Variants in CDC45 observed in about 807,000 individuals in gnomAD.
The protein encoded by CDC45 is cell division cycle 45.
A neutral mutation model predicts 77.8 loss-of-function variants in CDC45; 54 were observed. The observed-to-expected ratio is 0.69, with a 90% CI of 0.56 to 0.87. The LOEUF (loss-of-function observed/expected upper bound fraction) is 0.87, where lower values mean the gene tolerates loss of function less well. Among genes scored for constraint, CDC45 ranks in the 40% least tolerant of loss-of-function variants. The pLI is 0.00. For synonymous variants in CDC45, 260 were observed against 272.1 expected (o/e 0.96, Z 0.44); for missense variants, 649 against 721.6 (o/e 0.90, Z 1.15).
chr22:19,514,942 G>A (rs377522848), intron 14 of CDC45, 23 bp from the exon 15 acceptor site: 26 of 1,614,088 alleles, frequency 1.6e-5, no homozygotes, highest in Non-Finnish European at 2.2e-5. Context: ...GGCTTCGTCT[G>A]ACCATCTGTC....
upstream of CDC45, chr22:19,479,467 G>A: frequency 1.6e-6 from 1 of 636,034 alleles, no homozygotes; most frequent in South Asian, 1.5e-5. Flanking sequence ...GCACTACCCA[G>A]ACTGCCTCTG....
chr22:19,483,314 C>A (rs1166462608), intron 4 of CDC45, among the ~76,000 whole-genome samples: 3 of 152,166 alleles, frequency 2.0e-5, no homozygotes, highest in Non-Finnish European at 4.4e-5. Flanking sequence ...CGCTTGTAGT[C>A]CCAGCTACTC....
At chr22:19,482,299 TA>T (rs2089995518) in intron 3 of CDC45, among the ~76,000 whole-genome samples, 1 of 152,236 alleles carries the variant, frequency 6.6e-6, no homozygotes, top group Non-Finnish European at 1.5e-5. Flanking sequence ...TAAGTACCCA[TA>T]AAGTATTTGC....
Position 19,515,073 on chromosome 22 carries a change from G to T in CDC45, c.1440+25G>T, listed in dbSNP as rs1214614467. 4.5e-6 allele frequency: 7 copies of T among 1,568,384 alleles called. No homozygotes were observed. The Admixed American group carries it at 1.1e-4, about 24-fold the overall frequency. Reference sequence around the variant, plus strand: ...GGTGAGGGGCCAGGCGGGTGCTGTGGGTACAGGAGGGCAGGTGCTTGGAGA... The same window carrying T: ...GGTGAGGGGCCAGGCGGGTGCTGTGTGTACAGGAGGGCAGGTGCTTGGAGA... On this transcript the variant is annotated intron_variant, in intron 15 of 18. Transcript: ENST00000263201.
intron 13 of CDC45, among the ~76,000 whole-genome samples, chr22:19,512,541 C>G (rs2146431431): frequency 6.6e-6 from 1 of 152,118 alleles, no homozygotes; most frequent in South Asian, 2.1e-4. Context: ...TGGGAAAATC[C>G]AAAAACTATT....
chr22:19,483,892 C>G lies in CDC45; in HGVS notation c.373C>G (p.Leu125Val). 1 of 1,612,570 alleles carries G rather than the reference C, an allele frequency of 6.2e-7. No individual in the cohort carries two copies. Residue 125 changes from leucine (L) to valine (V), a missense_variant, in exon 5 of 19, where the codon CTT becomes GTT. Leu to Val is a conservative substitution (Grantham distance 32). Transcript: ENST00000263201. ...IKLLIKQDDD[L>V]EVPAYEDIFR... ...ATTACTCATTAAACAAGATGATGAC[C>G]TTGAAGTTCCCGCCTATGAAGACAT...
chr22:19,519,795 C>A (rs1934011883), intron 18 of CDC45, among the ~76,000 whole-genome samples: 1 of 152,246 alleles, frequency 6.6e-6, no homozygotes, highest in Non-Finnish European at 1.5e-5. Context: ...CATAGGGGGC[C>A]TCAGGGACCC....
Position 19,502,539 on chromosome 22 carries a change from C to T in CDC45, c.705-2823C>T, listed in dbSNP as rs557697162. On this transcript the variant is annotated intron_variant, in intron 9 of 18. Transcript: ENST00000263201. ...ACATACAAAGGTACAGCTTTTACTG[C>T]AGAACTCTAGCCATGAGACAGCAGT... Among the ~76,000 whole-genome samples the T allele has an allele frequency of 2.9e-4, 44 of 152,260 alleles. 1 individual carries two copies. The highest frequency in any genetic ancestry group is 6.8e-3 in the Middle Eastern group (2 of 294).
chr22:19,503,583 C>A (rs532364938), intron 9 of CDC45, among the ~76,000 whole-genome samples: 2 of 152,308 alleles, frequency 1.3e-5, no homozygotes, highest in East Asian at 3.9e-4. Context: ...CTTCAGGGAT[C>A]CCTTTCACAA....
Position 19,494,318 on chromosome 22 carries a change from C to T in CDC45, c.487-9C>T. On this transcript the variant is annotated splice_polypyrimidine_tract_variant and intron_variant, in intron 5 of 18. Coordinates refer to ENST00000263201, the MANE Select transcript of CDC45 (RefSeq NM_003504.5). ...GCTCCACCTTTTGTTCTCTTTGTCC[C>T]TGTATCAGGAGATAGTGGAGCAAAC... is the stretch of plus-strand genomic sequence containing the variant. 6.2e-7 allele frequency: 1 copy of T among 1,612,084 alleles called. No homozygotes were observed. The highest frequency in any genetic ancestry group is 8.5e-7 in the Non-Finnish European group (1 of 1,179,684).
intron 18 of CDC45, among the ~76,000 whole-genome samples, chr22:19,519,750 G>A (rs1934009836): frequency 6.6e-6 from 1 of 152,254 alleles, no homozygotes; most frequent in South Asian, 2.1e-4. Context: ...CTGTTCTCCT[G>A]TTGGGGCTGG....
At chr22:19,490,088 C>T (rs2090131484) in intron 5 of CDC45, among the ~76,000 whole-genome samples, 1 of 152,176 alleles carries the variant, frequency 6.6e-6, no homozygotes, top group African/African-American at 2.4e-5. Flanking sequence ...TTAATATTGC[C>T]ACTCCTGCTC....
At chr22:19,506,176 C>T (rs1601967626) in intron 10 of CDC45, among the ~76,000 whole-genome samples, 1 of 152,056 alleles carries the variant, frequency 6.6e-6, no homozygotes, top group South Asian at 2.1e-4. Flanking sequence ...ATGTCAGGGA[C>T]GGAGCTGCCC....
chr22:19,506,730 C>T (rs923235788), intron 10 of CDC45, among the ~76,000 whole-genome samples: 1 of 152,070 alleles, frequency 6.6e-6, no homozygotes, highest in East Asian at 1.9e-4. Context: ...GTCAGGAGAT[C>T]GAGACCATCC....
intron 11 of CDC45, 76 bp downstream of exon 11, chr22:19,507,593 C>A: frequency 6.4e-6 from 10 of 1,569,972 alleles, no homozygotes; most frequent in Non-Finnish European, 8.7e-6. Context: ...TTTGTTGTGA[C>A]CAACTTAGTT....
chr22:19,493,238 TG>T (rs1207126351), intron 5 of CDC45, among the ~76,000 whole-genome samples: 1 of 75,510 alleles, frequency 1.3e-5, no homozygotes, highest in African/African-American at 1.1e-4. Flanking sequence ...TTTTTTTTTT[TG>T]TTGTTTTGTT....
At chr22:19,518,003 G>A (rs1200373961) in intron 17 of CDC45, among the ~76,000 whole-genome samples, 1 of 152,216 alleles carries the variant, frequency 6.6e-6, no homozygotes, top group Admixed American at 6.5e-5. Context: ...TTGAAGTGGC[G>A]TCAGCCATCT....
At chr22:19,480,604 G>C (rs748377089) in intron 2 of CDC45, among the ~76,000 whole-genome samples, 1 of 151,534 alleles carries the variant, frequency 6.6e-6, no homozygotes, top group South Asian at 2.1e-4. Flanking sequence ...GTGTTGCTGG[G>C]AATATGGGAG....
Position 19,516,586 on chromosome 22 carries a change from G to T in CDC45, c.1500G>T (p.Glu500Asp). Reference protein sequence around the residue: ...PLVMAAPLSMEHGTVTVVGIP... With the variant: ...PLVMAAPLSMDHGTVTVVGIP... ...TGATGGCTGCCCCCCTGAGCATGGAGCATGGCACAGTGACCGTGGTGGGCA... is the reference window on the plus strand; with the variant it reads ...TGATGGCTGCCCCCCTGAGCATGGATCATGGCACAGTGACCGTGGTGGGCA... The change falls in exon 16 of 19, where the codon GAG (glutamate) becomes GAT (aspartate). Residue 500 changes from glutamate (E) to aspartate (D), a missense_variant. Physicochemically the swap from Glu to Asp is conservative, Grantham distance 45 (BLOSUM62 2). Coordinates refer to ENST00000263201, the MANE Select transcript of CDC45 (RefSeq NM_003504.5). The T allele has an allele frequency of 6.2e-7, 1 of 1,614,090 alleles. No homozygotes were observed. Among genetic ancestry groups the T allele is most frequent in the Non-Finnish European group, 8.5e-7 (1 of 1,179,996 alleles).
Sources: allele counts gnomAD v4.1 joint callset (sites outside exome capture counted in the v4.1 genomes callset), GRCh38; gene constraint gnomAD v4.1.1; transcripts MANE v1.5; gene names NCBI Gene and HGNC (gene_info 2026-07-23, HGNC 2026-07-21).